The following EPB41L3 variants were observed in gnomAD, a reference collection of about 807,000 sequenced individuals.
EPB41L3 encodes the protein band 4.1-like protein 3.
In EPB41L3, 57 loss-of-function variants were observed where a neutral mutation model predicts 127.1. That is an observed-to-expected ratio of 0.45 (90% CI 0.36 to 0.56). The LOEUF (loss-of-function observed/expected upper bound fraction) is 0.56, where lower values mean the gene tolerates loss of function less well. EPB41L3 is among the 20% of genes least tolerant of loss of function. The pLI, the probability that EPB41L3 is intolerant of heterozygous loss-of-function variation, is 0.00. For synonymous variants in EPB41L3, 572 were observed against 549.5 expected (o/e 1.04, Z -0.57); for missense variants, 1,273 against 1,372.2 (o/e 0.93, Z 1.14).
intron 3 of EPB41L3, among the ~76,000 whole-genome samples, chr18:5,599,268 T>C (rs1159585625): frequency 2.0e-5 from 3 of 152,188 alleles, no homozygotes; most frequent in Non-Finnish European, 4.4e-5. Flanking sequence ...ATTACTCCCA[T>C]TGTAATGGCG....
chr18:5,400,090 A>C (rs1181311735), intron 16 of EPB41L3: 1 of 157,278 alleles, frequency 6.4e-6, no homozygotes, highest in Admixed American at 6.3e-5. Context: ...TGATCCTCCC[A>C]TCTCAGCCTC....
chr18:5,520,696 G>A (rs2092953768), intron 1 of EPB41L3, among the ~76,000 whole-genome samples: 1 of 152,168 alleles, frequency 6.6e-6, no homozygotes, highest in African/African-American at 2.4e-5. Context: ...GCTATCATGA[G>A]GGGATCATTA....
In EPB41L3 at chr18:5,423,536, G is replaced by A. The variant is rs1323940276; in HGVS notation, c.1181C>T (p.Ala394Val). The A allele has an allele frequency of 1.2e-6, 2 of 1,612,754 alleles. No homozygotes were observed. Among genetic ancestry groups the A allele is most frequent in the African/African-American group, 2.7e-5 (2 of 75,010 alleles). The change falls in exon 11 of 23, where the codon GCA (alanine) becomes GTA (valine). Residue 394 changes from alanine (A) to valine (V), a missense_variant. By Grantham distance (64) the Ala-to-Val change is moderately conservative. Coordinates refer to ENST00000341928, the MANE Select transcript of EPB41L3 (RefSeq NM_012307.5). ...CAAGGTTAGGAATTTCTTGGGAGGT[G>A]CTTCTGGTAACAGTAGTCTAAAGAG... is the stretch of plus-strand genomic sequence containing the variant. ...HTFFRLLLPE[A>V]PPKKFLTLGS...
intron 9 of EPB41L3, among the ~76,000 whole-genome samples, chr18:5,425,610 A>C (rs1356793569): frequency 6.6e-6 from 1 of 152,132 alleles, no homozygotes; most frequent in Non-Finnish European, 1.5e-5. Context: ...AGGTATTAAT[A>C]GTTTATTAAT....
At chr18:5,584,641 T>A (rs1313105024) in intron 3 of EPB41L3, among the ~76,000 whole-genome samples, 1 of 152,160 alleles carries the variant, frequency 6.6e-6, no homozygotes, top group Non-Finnish European at 1.5e-5. Flanking sequence ...AACAAAAAGA[T>A]AAAAGGATTG....
At position 5,488,986 on chromosome 18, in the gene EPB41L3, C is replaced by G; in HGVS notation, c.183+15G>C. The G allele has an allele frequency of 1.3e-6, 2 of 1,567,848 alleles. No homozygotes were observed. The highest frequency in any genetic ancestry group is 1.7e-6 in the Non-Finnish European group (2 of 1,168,850). ...CAGCAAACACTGCGTCATTAGTTTT[C>G]TGGCCTGGGCTCACCTCCCTCCGCA... On this transcript the variant is annotated intron_variant, in intron 2 of 22. Transcript: ENST00000341928.
chr18:5,442,696 G>C (rs2080955614), intron 5 of EPB41L3, among the ~76,000 whole-genome samples: 1 of 152,102 alleles, frequency 6.6e-6, no homozygotes. Flanking sequence ...AGACTTTACT[G>C]ACAAAAATAT....
intron 2 of EPB41L3, chr18:5,488,678 G>C (rs1255415354): frequency 7.8e-6 from 2 of 258,064 alleles, no homozygotes; most frequent in Non-Finnish European, 7.2e-6. Context: ...CCTTAGACTT[G>C]AAAGAAAAAG....
intron 22 of EPB41L3, 149 bp downstream of exon 22, chr18:5,394,528 T>C: frequency 1.6e-6 from 1 of 615,466 alleles, no homozygotes; most frequent in Non-Finnish European, 2.8e-6. Context: ...GACAAACCCA[T>C]AAACCAATTC....
chr18:5,581,198 C>G (rs182762068), intron 3 of EPB41L3, among the ~76,000 whole-genome samples: 65 of 152,092 alleles, frequency 4.3e-4, no homozygotes, highest in African/African-American at 1.5e-3. Context: ...TAAAATGTAA[C>G]CAGTGTTTAA....
chr18:5,630,404 C>T, upstream of EPB41L3: 1 of 518,850 alleles, frequency 1.9e-6, no homozygotes, highest in South Asian at 1.4e-5. Context: ...TCCTTTGGGG[C>T]CCCTCCCGGA....
chr18:5,506,770 G>T (rs919111516), intron 1 of EPB41L3, among the ~76,000 whole-genome samples: 1 of 152,058 alleles, frequency 6.6e-6, no homozygotes, highest in African/African-American at 2.4e-5. Context: ...GGGATTCCAG[G>T]CCCTTAAATC....
At chr18:5,473,116 A>T (rs2086471400) in intron 3 of EPB41L3, among the ~76,000 whole-genome samples, 1 of 152,094 alleles carries the variant, frequency 6.6e-6, no homozygotes, top group South Asian at 2.1e-4. Flanking sequence ...GGCTGCATTT[A>T]AATTGCTCTC....
At chr18:5,628,588 C>G (rs2094950429) in intron 1 of EPB41L3, among the ~76,000 whole-genome samples, 1 of 152,236 alleles carries the variant, frequency 6.6e-6, no homozygotes, top group East Asian at 1.9e-4. Flanking sequence ...GCCCTTCGCT[C>G]CCGGGAGGAT....
chr18:5,558,935 A>G (rs898079716), intron 3 of EPB41L3, among the ~76,000 whole-genome samples: 1 of 152,244 alleles, frequency 6.6e-6, no homozygotes, highest in Non-Finnish European at 1.5e-5. Flanking sequence ...GACTACATCA[A>G]GTATGAGTTT....
chr18:5,474,746 C>T (rs1484832329), intron 3 of EPB41L3, among the ~76,000 whole-genome samples: 1 of 152,020 alleles, frequency 6.6e-6, no homozygotes, highest in Non-Finnish European at 1.5e-5. Context: ...GAAACAATTC[C>T]ACCTCTTTCA....
chr18:5,497,342 G>A (rs539090671), intron 1 of EPB41L3, among the ~76,000 whole-genome samples: 49 of 152,282 alleles, frequency 3.2e-4, no homozygotes, highest in African/African-American at 1.2e-3. Context: ...AGGAGCAGGG[G>A]ACCCAGTGAC....
At chr18:5,614,190 T>C (rs1169288910) in intron 2 of EPB41L3, among the ~76,000 whole-genome samples, 1 of 152,228 alleles carries the variant, frequency 6.6e-6, no homozygotes, top group Non-Finnish European at 1.5e-5. Flanking sequence ...TTATAGTCCC[T>C]TTCTCTGTAT....
intron 3 of EPB41L3, among the ~76,000 whole-genome samples, chr18:5,568,676 A>T (rs932343533): frequency 1.1e-4 from 16 of 152,212 alleles, no homozygotes; most frequent in Admixed American, 9.8e-4. Context: ...GCATCCTCCT[A>T]GCAATAGATA....
Sources: gnomAD v4.1 joint callset for allele counts (sites outside exome capture counted in the v4.1 genomes callset) on GRCh38, gnomAD v4.1.1 for gene constraint, MANE v1.5 for transcripts, NCBI Gene and HGNC (gene_info 2026-07-23, HGNC 2026-07-21) for gene names.